ALCAM: variants seen among roughly 807,000 people sequenced by gnomAD.
ALCAM encodes CD166 antigen.
A neutral mutation model predicts 70.9 loss-of-function variants in ALCAM; 30 were observed. The observed-to-expected ratio is 0.42, with a 90% CI of 0.32 to 0.57. The LOEUF is 0.57. ALCAM is among the 20% of genes least tolerant of loss of function. The pLI, the probability that ALCAM is intolerant of heterozygous loss-of-function variation, is 0.11. For missense variants in ALCAM, 591 were observed against 695.1 expected (o/e 0.85, Z 1.68); for synonymous variants, 249 against 242.5 (o/e 1.03, Z -0.25).
chr3:105,368,425 G>C (rs1935137814), intron 1 of ALCAM, among the ~76,000 whole-genome samples: 1 of 151,988 alleles, frequency 6.6e-6, no homozygotes, highest in South Asian at 2.1e-4. Flanking sequence ...CAGAGCAGCA[G>C]GTTCCTTTGC....
chr3:105,474,431 C>T (rs998949692), intron 1 of ALCAM, among the ~76,000 whole-genome samples: 3 of 151,648 alleles, frequency 2.0e-5, no homozygotes, highest in Non-Finnish European at 2.9e-5. Context: ...TTTCTGGTTG[C>T]ATGAGAGGAT....
chr3:105,463,319 A>G (rs1937629887), intron 1 of ALCAM, among the ~76,000 whole-genome samples: 1 of 151,440 alleles, frequency 6.6e-6, no homozygotes, highest in Non-Finnish European at 1.5e-5. Flanking sequence ...ATGCTCTTGC[A>G]TACATTTTAC....
chr3:105,370,286 T>G (rs546287294), intron 1 of ALCAM, among the ~76,000 whole-genome samples: 150 of 152,348 alleles, frequency 9.8e-4, no homozygotes, highest in Middle Eastern at 3.4e-3. Flanking sequence ...AAAAACTGTT[T>G]AACAGCCAAT....
At chr3:105,411,395 T>G (rs1396719646) in intron 1 of ALCAM, among the ~76,000 whole-genome samples, 3 of 151,976 alleles carry the variant, frequency 2.0e-5, no homozygotes, top group Non-Finnish European at 4.4e-5. Flanking sequence ...GCAGCAGAAG[T>G]AGCAGTAGAA....
chr3:105,559,732 T>C (rs1322445174), intron 14 of ALCAM, among the ~76,000 whole-genome samples: 1 of 152,194 alleles, frequency 6.6e-6, no homozygotes, highest in East Asian at 1.9e-4. Context: ...CCATCATCCC[T>C]GTCTCCTTAG....
chr3:105,553,379 A>G (rs1258894440), intron 14 of ALCAM, among the ~76,000 whole-genome samples: 1 of 151,822 alleles, frequency 6.6e-6, no homozygotes, highest in East Asian at 1.9e-4. Flanking sequence ...TTCACTGGTG[A>G]TTCTGCGGCA....
intron 14 of ALCAM, among the ~76,000 whole-genome samples, chr3:105,564,273 G>T (rs1420206052): frequency 6.6e-6 from 1 of 152,264 alleles, no homozygotes; most frequent in Non-Finnish European, 1.5e-5. Flanking sequence ...AAGGTAACAA[G>T]CATACACTTC....
intron 1 of ALCAM, among the ~76,000 whole-genome samples, chr3:105,394,844 A>G (rs1935909809): frequency 6.6e-6 from 1 of 151,984 alleles, no homozygotes; most frequent in Non-Finnish European, 1.5e-5. Flanking sequence ...AATTTTTTAG[A>G]TAATTCAGTA....
At chr3:105,408,073 A>G (rs1936294250) in intron 1 of ALCAM, among the ~76,000 whole-genome samples, 1 of 152,160 alleles carries the variant, frequency 6.6e-6, no homozygotes, top group Non-Finnish European at 1.5e-5. Context: ...ACACAAACAA[A>G]TGAAAACACA....
intron 1 of ALCAM, among the ~76,000 whole-genome samples, chr3:105,372,436 T>G (rs1935259889): frequency 6.6e-6 from 1 of 152,156 alleles, no homozygotes; most frequent in African/African-American, 2.4e-5. Flanking sequence ...CAGTAATTGT[T>G]TTATGCTAAC....
At chr3:105,567,127 G>A (rs946239438) in intron 14 of ALCAM, among the ~76,000 whole-genome samples, 1 of 151,966 alleles carries the variant, frequency 6.6e-6, no homozygotes, top group East Asian at 1.9e-4. Flanking sequence ...TGTTATTTAT[G>A]TTATTGTTCT....
intron 14 of ALCAM, among the ~76,000 whole-genome samples, chr3:105,567,374 A>T (rs1324125570): frequency 6.6e-6 from 1 of 150,888 alleles, no homozygotes; most frequent in Non-Finnish European, 1.5e-5. Context: ...AAATACATGT[A>T]TGTCAGCATA....
At chr3:105,378,088 T>C (rs895958979) in intron 1 of ALCAM, among the ~76,000 whole-genome samples, 2 of 151,966 alleles carry the variant, frequency 1.3e-5, no homozygotes, top group Admixed American at 1.3e-4. Context: ...TTGTATAAAC[T>C]GATAAAAAGT....
At chr3:105,571,165 CAG>C (rs550826717) in intron 14 of ALCAM, among the ~76,000 whole-genome samples, 21 of 152,298 alleles carry the variant, frequency 1.4e-4, no homozygotes, top group African/African-American at 3.8e-4. Context: ...AGTTGTTTAG[CAG>C]AGATCGCAGG....
intron 1 of ALCAM, among the ~76,000 whole-genome samples, chr3:105,404,744 C>T (rs961658500): frequency 6.6e-6 from 1 of 151,332 alleles, no homozygotes; most frequent in African/African-American, 2.4e-5. Flanking sequence ...TATCTCAATA[C>T]TAACATTGAA....
chr3:105,422,639 A>G (rs1451452553), intron 1 of ALCAM, among the ~76,000 whole-genome samples: 1 of 151,526 alleles, frequency 6.6e-6, no homozygotes, highest in Non-Finnish European at 1.5e-5. Context: ...TCATTATGGT[A>G]CAGTATTGGA....
At chr3:105,417,309 A>G (rs1936530074) in intron 1 of ALCAM, among the ~76,000 whole-genome samples, 1 of 151,750 alleles carries the variant, frequency 6.6e-6, no homozygotes, top group Non-Finnish European at 1.5e-5. Context: ...CTTTTACACT[A>G]CATTCTCTGT....
chr3:105,517,181 T>A (rs1326263518), intron 1 of ALCAM, among the ~76,000 whole-genome samples: 2 of 152,104 alleles, frequency 1.3e-5, no homozygotes, highest in African/African-American at 4.8e-5. Context: ...CTCCCACAGA[T>A]GCAAGCCTTC....
At chr3:105,520,289 T>C in intron 2 of ALCAM, 122 bp downstream of exon 2, 1 of 668,442 alleles carries the variant, frequency 1.5e-6, no homozygotes, top group South Asian at 2.0e-5. Context: ...AGTACAAATG[T>C]AGGAAGGTAA....
Sources: allele counts gnomAD v4.1 joint callset (sites outside exome capture counted in the v4.1 genomes callset), GRCh38; gene constraint gnomAD v4.1.1; transcripts MANE v1.5; gene names NCBI Gene and HGNC (gene_info 2026-07-23, HGNC 2026-07-21).